WWC2: variants seen among roughly 807,000 people sequenced by gnomAD.
The protein encoded by WWC2 is WW and C2 domain containing 2.
Under a neutral mutation model 138.5 loss-of-function variants are expected in WWC2, and 101 were observed. That is an observed-to-expected ratio of 0.73 (90% CI 0.62 to 0.86). The LOEUF is 0.86. Ranked by LOEUF, WWC2 falls within the 40% of genes least tolerant of loss-of-function variation. The probability of loss-of-function intolerance (pLI) is 0.00; values close to 1 mark genes in which losing one functional copy is unlikely to be tolerated. For missense variants in WWC2, 1,420 were observed against 1,419.4 expected (o/e 1.00, Z -0.01); for synonymous variants, 558 against 538.4 (o/e 1.04, Z -0.50).
At chr4:183,199,157 GAAGCAGGACTTGAGGA>G (rs1205382695) in intron 2 of WWC2, among the ~76,000 whole-genome samples, 2 of 152,200 alleles carry the variant, frequency 1.3e-5, no homozygotes, top group Non-Finnish European at 2.9e-5. Flanking sequence ...AAGGTCTCAA[GAAGCAGGACTTGAGGA>G]AAGCAGGACT....
chr4:183,270,928 A>G (rs1304650340), intron 15 of WWC2, among the ~76,000 whole-genome samples, 152 bp from the exon 16 acceptor site: 1 of 152,182 alleles, frequency 6.6e-6, no homozygotes, highest in East Asian at 1.9e-4. Context: ...GTTTTAAAAA[A>G]TCCAGCAATG....
chr4:183,235,643 T>A (rs1274325272), intron 4 of WWC2, among the ~76,000 whole-genome samples: 3 of 152,232 alleles, frequency 2.0e-5, no homozygotes, highest in Admixed American at 6.5e-5. Context: ...GGTTCATTCA[T>A]ATTGTCACAT....
At chr4:183,177,941 G>A in intron 1 of WWC2, among the ~76,000 whole-genome samples, 1 of 152,180 alleles carries the variant, frequency 6.6e-6, no homozygotes, top group Non-Finnish European at 1.5e-5. Context: ...TTGGGACCCT[G>A]CAAGATCACT....
chr4:183,253,983 A>G lies in WWC2; in HGVS notation c.1180A>G (p.Arg394Gly). The G allele has an allele frequency of 6.2e-7, 1 of 1,613,598 alleles. No individual in the cohort carries two copies. ...GCTGTCTGTGAGGGGAACACCAAGC[A>G]GAGCTCTGGCCGAGAGGTTTGTTTT... Reference protein sequence around the residue: ...ELLSVRGTPSRALAERLRLEE... With the variant: ...ELLSVRGTPSGALAERLRLEE... The change falls in exon 9 of 23, where the codon AGA becomes GGA. Residue 394 changes from arginine to glycine, a missense_variant. Coordinates refer to ENST00000403733, the MANE Select transcript of WWC2 (RefSeq NM_024949.6).
chr4:183,122,075 A>C (rs1421047556), intron 1 of WWC2, among the ~76,000 whole-genome samples: 1 of 151,958 alleles, frequency 6.6e-6, no homozygotes, highest in Non-Finnish European at 1.5e-5. Flanking sequence ...GTGAGCCACC[A>C]CGCCCAGCCA....
intron 1 of WWC2, among the ~76,000 whole-genome samples, chr4:183,143,820 C>CA (rs112704293): frequency 0.034 from 4,769 of 139,968 alleles, 228 homozygotes; most frequent in African/African-American, 0.11. Flanking sequence ...CTCCTCCCCG[C>CA]AAAAAAAAAA....
chr4:183,231,972 T>G (rs1306785856), intron 4 of WWC2, among the ~76,000 whole-genome samples: 1 of 152,138 alleles, frequency 6.6e-6, no homozygotes, highest in Non-Finnish European at 1.5e-5. Flanking sequence ...TGTGGGATCT[T>G]CCAGAAACAA....
chr4:183,267,607 G>T (rs1015619288), intron 14 of WWC2, among the ~76,000 whole-genome samples: 2 of 152,150 alleles, frequency 1.3e-5, no homozygotes, highest in African/African-American at 4.8e-5. Context: ...CCTGCAATAT[G>T]CTCTACTTCA....
At chr4:183,153,570 T>C (rs1336674895) in intron 1 of WWC2, among the ~76,000 whole-genome samples, 1 of 152,080 alleles carries the variant, frequency 6.6e-6, no homozygotes, top group Non-Finnish European at 1.5e-5. Flanking sequence ...AAAATATTCA[T>C]ACGATACTAA....
intron 4 of WWC2, among the ~76,000 whole-genome samples, chr4:183,239,428 G>A (rs1736543704): frequency 6.6e-6 from 1 of 152,198 alleles, no homozygotes; most frequent in African/African-American, 2.4e-5. Flanking sequence ...AACCAGGCGT[G>A]TGCTGCTTTT....
chr4:183,245,095 C>T (rs1191019157), intron 5 of WWC2, among the ~76,000 whole-genome samples: 2 of 151,782 alleles, frequency 1.3e-5, no homozygotes, highest in Non-Finnish European at 2.9e-5. Context: ...GGCATCGTGG[C>T]GGGTGCCTGT....
chr4:183,134,726 G>C (rs1239325627), intron 1 of WWC2, among the ~76,000 whole-genome samples: 1 of 152,026 alleles, frequency 6.6e-6, no homozygotes, highest in African/African-American at 2.4e-5. Flanking sequence ...TGCAAACTTA[G>C]AACTATGACA....
intron 1 of WWC2, among the ~76,000 whole-genome samples, chr4:183,133,400 G>A (rs1733001317): frequency 1.3e-5 from 2 of 152,088 alleles, no homozygotes; most frequent in South Asian, 4.1e-4. Flanking sequence ...ATTTAAAAAT[G>A]TATGTCTTAA....
chr4:183,230,672 C>G (rs867514218), intron 4 of WWC2, among the ~76,000 whole-genome samples: 2 of 151,030 alleles, frequency 1.3e-5, no homozygotes, highest in African/African-American at 2.4e-5. Flanking sequence ...AAGAGCAAAA[C>G]TCTGTCTAAA....
intron 1 of WWC2, among the ~76,000 whole-genome samples, chr4:183,146,512 G>A (rs1424665571): frequency 1.3e-5 from 2 of 152,290 alleles, no homozygotes; most frequent in East Asian, 3.9e-4. Context: ...TCAGAGTTTG[G>A]GGGAGTTCTT....
At chr4:183,235,942 A>G (rs1736411044) in intron 4 of WWC2, among the ~76,000 whole-genome samples, 1 of 152,226 alleles carries the variant, frequency 6.6e-6, no homozygotes, top group Non-Finnish European at 1.5e-5. Context: ...ATTTTATGTC[A>G]GTAAGATATA....
At chr4:183,188,057 C>T (rs1734866654) in intron 1 of WWC2, among the ~76,000 whole-genome samples, 2 of 152,034 alleles carry the variant, frequency 1.3e-5, no homozygotes, top group Non-Finnish European at 2.9e-5. Flanking sequence ...AAATGATTTT[C>T]AAAATATTGA....
chr4:183,192,331 C>T (rs1025058325), intron 1 of WWC2, among the ~76,000 whole-genome samples: 1 of 152,080 alleles, frequency 6.6e-6, no homozygotes, highest in Non-Finnish European at 1.5e-5. Flanking sequence ...GAAGAGGTGC[C>T]CAGTAAGTGG....
Position 183,261,398 on chromosome 4 carries a change from G to A in WWC2, c.1775G>A (p.Ser592Asn), listed in dbSNP as rs1304317514. 6.2e-7 allele frequency: 1 copy of A among 1,612,920 alleles called. No individual in the cohort carries two copies. Among genetic ancestry groups the A allele is most frequent in the East Asian group, 2.2e-5 (1 of 44,880 alleles). The change falls in exon 11 of 23, where the codon AGC (serine) becomes AAC (asparagine). Residue 592 changes from serine to asparagine, a missense_variant. Ser to Asn is a conservative substitution (Grantham distance 46). Coordinates refer to ENST00000403733, the MANE Select transcript of WWC2 (RefSeq NM_024949.6). ...GACTTTGAAGACTGTGAGTTGAGTA[G>A]CCATTTTGCAGATATCAGCCTCATC... ...TADFEDCELSSHFADISLIEN... is the reference protein window; with the variant it reads ...TADFEDCELSNHFADISLIEN...
Sources: allele counts gnomAD v4.1 joint callset (sites outside exome capture counted in the v4.1 genomes callset), GRCh38; gene constraint gnomAD v4.1.1; transcripts MANE v1.5; gene names NCBI Gene and HGNC (gene_info 2026-07-23, HGNC 2026-07-21).